The following CSMD3 variants were observed in gnomAD, a reference collection of about 807,000 sequenced individuals.
CSMD3 encodes CUB and Sushi multiple domains 3, also known as CUB and sushi domain-containing protein 3.
Under a neutral mutation model 435.2 loss-of-function variants are expected in CSMD3, and 177 were observed. The ratio of observed to expected loss-of-function variants is 0.41; its 90% CI spans 0.36 to 0.46. The LOEUF (loss-of-function observed/expected upper bound fraction) is 0.46, where lower values mean the gene tolerates loss of function less well. CSMD3 is among the 20% of genes least tolerant of loss of function. The pLI, the probability that CSMD3 is intolerant of heterozygous loss-of-function variation, is 0.34. For synonymous variants in CSMD3, 1,656 were observed against 1,520.5 expected (o/e 1.09, Z -2.07); for missense variants, 4,265 against 4,504.6 (o/e 0.95, Z 1.52).
chr8:113,251,312 G>T (rs1422500645), intron 3 of CSMD3, among the ~76,000 whole-genome samples: 1 of 152,020 alleles, frequency 6.6e-6, no homozygotes, highest in South Asian at 2.1e-4. Flanking sequence ...TTTAAGAGTG[G>T]ATTCAAATGA....
chr8:112,277,799 C>T (rs746486381), intron 59 of CSMD3, among the ~76,000 whole-genome samples: 1 of 152,056 alleles, frequency 6.6e-6, no homozygotes, highest in Admixed American at 6.6e-5. Context: ...AGAATGAGAA[C>T]CAAGTGAAAG....
At chr8:112,664,031 G>A (rs1438436486) in intron 17 of CSMD3, among the ~76,000 whole-genome samples, 1 of 152,020 alleles carries the variant, frequency 6.6e-6, no homozygotes, top group Non-Finnish European at 1.5e-5. Flanking sequence ...GATAATGACT[G>A]GTGAGAGTCA....
chr8:113,219,090 A>T (rs2132119603), intron 3 of CSMD3, among the ~76,000 whole-genome samples: 1 of 151,550 alleles, frequency 6.6e-6, no homozygotes, highest in Admixed American at 6.6e-5. Flanking sequence ...GTAATATTGT[A>T]TAAATACATC....
chr8:112,494,479 TTTGTTTCTTTCTC>T, intron 30 of CSMD3, among the ~76,000 whole-genome samples: 1 of 110,890 alleles, frequency 9.0e-6, no homozygotes, highest in African/African-American at 2.7e-5. Flanking sequence ...TTTCTTTTCT[TTTGTTTCTTTCTC>T]TCCTTTCTTT....
At chr8:113,019,901 C>A (rs1478865237) in intron 5 of CSMD3, among the ~76,000 whole-genome samples, 1 of 151,968 alleles carries the variant, frequency 6.6e-6, no homozygotes, top group East Asian at 1.9e-4. Flanking sequence ...CGGTGGCTCA[C>A]GCCTGTAATC....
chr8:112,286,036 T>C (rs1819164463), intron 58 of CSMD3, among the ~76,000 whole-genome samples: 1 of 152,166 alleles, frequency 6.6e-6, no homozygotes, highest in African/African-American at 2.4e-5. Flanking sequence ...AAAGATTTAA[T>C]TATGTTAACT....
chr8:112,534,758 G>A (rs2131094808), intron 27 of CSMD3, among the ~76,000 whole-genome samples: 1 of 152,198 alleles, frequency 6.6e-6, no homozygotes, highest in South Asian at 2.1e-4. Flanking sequence ...TATCCTTGAT[G>A]AACATTGATG....
Position 113,084,502 on chromosome 8 carries a change from A to C in CSMD3, c.917+14254T>G, listed in dbSNP as rs75814128. Among the ~76,000 whole-genome samples the C allele has an allele frequency of 4.7e-3, 709 of 152,068 alleles. 5 individuals are homozygous for C. Among genetic ancestry groups the C allele is most frequent in the African/African-American group, 0.015 (619 of 41,536 alleles). On this transcript the variant is annotated intron_variant, in intron 5 of 70. Transcript: ENST00000297405. ...CCATGCTCATGGATTGGAAAAATTA[A>C]ACATGCTAAAATGACCATACAACCT...
Position 112,281,358 on chromosome 8 carries a change from A to G in CSMD3, c.9332-8T>C, listed in dbSNP as rs770708535. ...GGTTACCACACTGCACAGCTATAAA[A>G]CAAAGTGTTTAAGAGTATATATAAA... On this transcript the variant is annotated splice_region_variant and splice_polypyrimidine_tract_variant and intron_variant, in intron 58 of 70. Transcript: ENST00000297405. The G allele has an allele frequency of 6.2e-7, 1 of 1,610,498 alleles. No homozygotes were observed. The highest frequency in any genetic ancestry group is 8.5e-7 in the Non-Finnish European group (1 of 1,177,040).
At chr8:112,806,678 T>C (rs957327802) in intron 12 of CSMD3, among the ~76,000 whole-genome samples, 1 of 152,188 alleles carries the variant, frequency 6.6e-6, no homozygotes, top group African/African-American at 2.4e-5. Flanking sequence ...CTCTGATGAA[T>C]TTATCTGATA....
intron 3 of CSMD3, among the ~76,000 whole-genome samples, chr8:113,232,514 A>G (rs1012670447): frequency 6.6e-6 from 1 of 151,750 alleles, no homozygotes; most frequent in African/African-American, 2.4e-5. Context: ...GTTCCATGTG[A>G]TGACAATGCT....
intron 3 of CSMD3, among the ~76,000 whole-genome samples, chr8:113,262,066 A>G (rs2093431639): frequency 6.6e-6 from 1 of 152,084 alleles, no homozygotes; most frequent in African/African-American, 2.4e-5. Flanking sequence ...TTCTTCTATT[A>G]CCATATATGT....
intron 22 of CSMD3, among the ~76,000 whole-genome samples, chr8:112,600,379 A>G (rs940342148): frequency 6.6e-6 from 1 of 152,212 alleles, no homozygotes; most frequent in Non-Finnish European, 1.5e-5. Flanking sequence ...TATTGGGCCA[A>G]GAGTATTATT....
At chr8:112,749,558 C>T (rs1370078832) in intron 13 of CSMD3, among the ~76,000 whole-genome samples, 2 of 151,926 alleles carry the variant, frequency 1.3e-5, no homozygotes, top group African/African-American at 2.4e-5. Context: ...AAGACTTAAA[C>T]GTAAAACCCA....
intron 2 of CSMD3, among the ~76,000 whole-genome samples, chr8:113,295,068 A>T (rs1300121760): frequency 1.3e-5 from 2 of 152,082 alleles, no homozygotes; most frequent in African/African-American, 4.8e-5. Context: ...AGGTGCATAT[A>T]TTTATGGGGT....
At chr8:112,880,815 C>T (rs1259992716) in intron 10 of CSMD3, among the ~76,000 whole-genome samples, 1 of 151,976 alleles carries the variant, frequency 6.6e-6, no homozygotes, top group Non-Finnish European at 1.5e-5. Flanking sequence ...ATCGATCCAG[C>T]TGCCATATAC....
chr8:113,361,886 A>T (rs971118543), intron 1 of CSMD3, among the ~76,000 whole-genome samples: 1 of 152,148 alleles, frequency 6.6e-6, no homozygotes, highest in Admixed American at 6.6e-5. Flanking sequence ...TATTTCATTG[A>T]CCAATTTAGC....
intron 32 of CSMD3, among the ~76,000 whole-genome samples, chr8:112,420,570 A>G (rs1812376808): frequency 6.6e-6 from 1 of 152,170 alleles, no homozygotes; most frequent in Admixed American, 6.6e-5. Context: ...CTTTTAATAT[A>G]TAAAATCTAT....
intron 40 of CSMD3, 111 bp from the exon 41 acceptor site, chr8:112,346,324 T>G (rs1825664587): frequency 1.4e-6 from 1 of 738,722 alleles, no homozygotes; most frequent in Admixed American, 1.9e-5. Flanking sequence ...AAAACTGATA[T>G]AAATTTGAAT....
Sources: allele counts gnomAD v4.1 joint callset (sites outside exome capture counted in the v4.1 genomes callset), GRCh38; gene constraint gnomAD v4.1.1; transcripts MANE v1.5; gene names NCBI Gene and HGNC (gene_info 2026-07-23, HGNC 2026-07-21).